The following TGIF1 variants were observed in gnomAD, a reference collection of about 807,000 sequenced individuals.
The protein encoded by TGIF1 is homeobox protein TGIF1.
TGIF1 carries 4 observed loss-of-function variants against 19.3 expected under a neutral mutation model. That is an observed-to-expected ratio of 0.21 (90% CI 0.10 to 0.47). TGIF1 has a LOEUF of 0.47. Among genes scored for constraint, TGIF1 ranks in the 20% least tolerant of loss-of-function variants. TGIF1 has a pLI of 0.98. For synonymous variants in TGIF1, 122 were observed against 129.3 expected, an observed-to-expected ratio of 0.94 and a Z score of 0.38; for missense variants, 275 against 341.4, an observed-to-expected ratio of 0.81 and a Z score of 1.53.
rs551721533 is a variant in TGIF1 at position 3,438,297 on chromosome 18, T to C, written c.-44-18057T>C. Among the ~76,000 whole-genome samples, 108 of 152,122 alleles carry C rather than the reference T, an allele frequency of 7.1e-4. 1 individual carries two copies. The highest frequency in any genetic ancestry group is 3.3e-4 in the Admixed American group (5 of 15,250). On this transcript the variant is annotated intron_variant, in intron 2 of 3. Coordinates refer to the TGIF1 transcript ENST00000401449. ...TTCTCGTGAAGCAAAAAATATTTAG[T>C]CACAAATTACAGATGTGTGACTTGC...
chr18:3,448,561 G>A (rs1458476960), upstream of TGIF1: 7 of 985,636 alleles, frequency 7.1e-6, no homozygotes, highest in Non-Finnish European at 8.4e-6. Flanking sequence ...CTTCTGTCCC[G>A]AGCAGTCAGC....
rs2082867534 is a variant in TGIF1 at position 3,450,415 on chromosome 18, C to T, written c.-75C>T. Reference sequence around the variant, plus strand: ...GAGAGTCGGCTGTGAAGGAGACGTTCGCTTATCCCCTGTGTCCCCGCTCCT... The same window carrying T: ...GAGAGTCGGCTGTGAAGGAGACGTTTGCTTATCCCCTGTGTCCCCGCTCCT... On this transcript the variant is annotated 5_prime_UTR_variant, in exon 1 of 3. Transcript: ENST00000343820. The T allele has an allele frequency of 6.5e-7, 1 of 1,550,248 alleles. No individual in the cohort carries two copies. The highest frequency in any genetic ancestry group is 8.7e-7 in the Non-Finnish European group (1 of 1,146,488).
Position 3,457,906 on chromosome 18 carries a change from C to T in TGIF1, c.785C>T (p.Ala262Val), listed in dbSNP as rs2049415727. The T allele has an allele frequency of 6.2e-7, 1 of 1,601,456 alleles. No individual in the cohort carries two copies. The highest frequency in any genetic ancestry group is 1.3e-5 in the African/African-American group (1 of 74,934). Residue 262 changes from alanine (A) to valine (V), a missense_variant, in exon 3 of 3, where the codon GCA becomes GTA. By Grantham distance (64) the Ala-to-Val change is moderately conservative. Transcript: ENST00000343820. The surrounding 1 kb of genome is among the most constrained non-coding windows in gnomAD (Gnocchi z 4.9). ...GTGGATGTTGCACTCAAACGGGCTG[C>T]AGAGATGGAGCTTCAGGCAAAACTT... ...LLVDVALKRA[A>V]EMELQAKLTA
intron 1 of TGIF1, among the ~76,000 whole-genome samples, chr18:3,454,338 G>A (rs952044228): frequency 1.3e-5 from 2 of 152,048 alleles, no homozygotes; most frequent in Non-Finnish European, 2.9e-5. Flanking sequence ...TTACAGTTGG[G>A]AATTCACTGT....
intron 1 of TGIF1, chr18:3,453,659 C>T (rs910747634): frequency 2.9e-6 from 1 of 347,724 alleles, no homozygotes; most frequent in Non-Finnish European, 4.0e-6. Context: ...GCACTCCAGC[C>T]TGGGTGACAA....
chr18:3,421,055 G>A (rs1446138696), intron 2 of TGIF1, among the ~76,000 whole-genome samples: 1 of 151,940 alleles, frequency 6.6e-6, no homozygotes, highest in Non-Finnish European at 1.5e-5. Context: ...GATTATAAGG[G>A]AGCTGAAAAA....
chr18:3,432,114 C>T (rs1185487149), intron 2 of TGIF1, among the ~76,000 whole-genome samples: 1 of 27,964 alleles, frequency 3.6e-5, no homozygotes, highest in Non-Finnish European at 6.9e-5. Flanking sequence ...GGCAACAGAA[C>T]AAAACTGTCA....
In TGIF1 at chr18:3,456,287, TAA is replaced by T; in HGVS notation, c.17-66_17-65del. On this transcript the variant is annotated intron_variant, in intron 1 of 2. Coordinates refer to ENST00000343820, the MANE Select transcript of TGIF1 (RefSeq NM_003244.4). The surrounding 1 kb of genome is among the most constrained non-coding windows in gnomAD (Gnocchi z 4.2). ...CATGGTTACATTGAATGGTCAGCGTTAAGTGAGCTTTGCAATAGTTGCTGTGC... is the reference window on the plus strand; with the variant it reads ...CATGGTTACATTGAATGGTCAGCGTTGTGAGCTTTGCAATAGTTGCTGTGC... 1.4e-6 allele frequency: 2 copies of T among 1,425,854 alleles called. No individual in the cohort carries two copies. Among genetic ancestry groups the T allele is most frequent in the South Asian group, 2.3e-5 (2 of 87,076 alleles). The allele number at this position is 1,425,854 out of a possible 1,614,324, so 88.3% of individuals were successfully genotyped here.
chr18:3,458,187 G>T lies in TGIF1; in HGVS notation c.*247G>T. 4.2e-6 allele frequency: 2 copies of T among 478,930 alleles called. No individual in the cohort carries two copies. Among genetic ancestry groups the T allele is most frequent in the African/African-American group, 2.0e-5 (1 of 49,570 alleles). The allele number at this position is 478,930 out of a possible 1,614,324, so 29.7% of individuals were successfully genotyped here. A position where few individuals can be genotyped will look rare whatever the true frequency, so the allele number is the denominator to read the frequency against. Reference sequence around the variant, plus strand: ...GGTAGATTATTCATAATGTGAGATGGTTCCCAATATCATGTGATTTTTTTT... The same window carrying T: ...GGTAGATTATTCATAATGTGAGATGTTTCCCAATATCATGTGATTTTTTTT... On this transcript the variant is annotated 3_prime_UTR_variant, in exon 3 of 3. Transcript: ENST00000343820.
At chr18:3,443,030 G>A (rs2082694024) in intron 2 of TGIF1, among the ~76,000 whole-genome samples, 1 of 152,152 alleles carries the variant, frequency 6.6e-6, no homozygotes, top group South Asian at 2.1e-4. Context: ...ACGTTTTGAT[G>A]CAGCTATTCC....
chr18:3,443,071 C>T (rs2082694663), intron 2 of TGIF1, among the ~76,000 whole-genome samples: 1 of 152,188 alleles, frequency 6.6e-6, no homozygotes, highest in African/African-American at 2.4e-5. Flanking sequence ...GATATGCTCA[C>T]AGAAGCCCCA....
At chr18:3,453,894 G>A in intron 1 of TGIF1, 1 of 963,132 alleles carries the variant, frequency 1.0e-6, no homozygotes, top group Non-Finnish European at 1.2e-6. Context: ...AGTCTTAACC[G>A]GGAAACTTTT....
chr18:3,453,478 G>T (rs533500057), intron 1 of TGIF1, among the ~76,000 whole-genome samples: 12 of 151,938 alleles, frequency 7.9e-5, no homozygotes, highest in South Asian at 2.1e-4. Flanking sequence ...TCTGAGGTCG[G>T]GAGTTCGAGA....
At chr18:3,412,241 A>C (rs146441404) in exon 1 of TGIF1, 2 of 152,188 alleles carry the variant, frequency 1.3e-5, no homozygotes, top group Non-Finnish European at 1.5e-5. Flanking sequence ...GGAGCTCCTC[A>C]TCGAGAAACC....
upstream of TGIF1, chr18:3,448,204 C>G (rs905999042): frequency 4.1e-6 from 4 of 985,260 alleles, no homozygotes; most frequent in African/African-American, 7.0e-5. Flanking sequence ...CGGTTCCAGA[C>G]GAGGCTCCTG....
At chr18:3,431,482 A>G (rs927385194) in intron 2 of TGIF1, among the ~76,000 whole-genome samples, 2 of 150,090 alleles carry the variant, frequency 1.3e-5, no homozygotes, top group South Asian at 4.2e-4. Context: ...TAAATCATAA[A>G]TAAATAAATA....
chr18:3,426,916 CTTTTT>C (rs545236407), intron 2 of TGIF1, among the ~76,000 whole-genome samples: 11 of 100,072 alleles, frequency 1.1e-4, no homozygotes, highest in African/African-American at 2.0e-4. Context: ...AGGATGATCT[CTTTTT>C]TTTTTTTTTT....
intron 2 of TGIF1, among the ~76,000 whole-genome samples, chr18:3,422,472 A>T (rs1013210614): frequency 6.6e-6 from 1 of 151,448 alleles, no homozygotes; most frequent in South Asian, 2.1e-4. Flanking sequence ...AGTTATAGTA[A>T]GGTAAAGTTA....
At chr18:3,428,124 A>G (rs970692643) in intron 2 of TGIF1, among the ~76,000 whole-genome samples, 1 of 152,218 alleles carries the variant, frequency 6.6e-6, no homozygotes, top group Admixed American at 6.5e-5. Flanking sequence ...CCCTTCACAA[A>G]TCAAGGCCAT....
Sources: gnomAD v4.1 joint callset for allele counts (sites outside exome capture counted in the v4.1 genomes callset) on GRCh38, gnomAD v4.1.1 for gene constraint, Gnocchi (gnomAD v3.1) non-coding constraint, MANE v1.5 for transcripts, NCBI Gene and HGNC (gene_info 2026-07-23, HGNC 2026-07-21) for gene names.